PHACTR2: variants seen among roughly 807,000 people sequenced by gnomAD.
PHACTR2 encodes the protein phosphatase and actin regulator 2, also known as chromosome 6 open reading frame 56.
Under a neutral mutation model 76.0 loss-of-function variants are expected in PHACTR2, and 30 were observed. The ratio of observed to expected loss-of-function variants is 0.39; its 90% confidence interval spans 0.30 to 0.54. The LOEUF (loss-of-function observed/expected upper bound fraction) is 0.54, where lower values mean the gene tolerates loss of function less well. Among genes scored for constraint, PHACTR2 ranks in the 20% least tolerant of loss-of-function variants. The pLI is 0.61. For synonymous variants in PHACTR2, 292 were observed against 292.5 expected (o/e 1.00, Z 0.02); for missense variants, 696 against 781.1 (o/e 0.89, Z 1.30).
chr6:143,772,253 AAC>A lies in PHACTR2; in HGVS notation c.1233-3_1233-2del. ...ATCACTCCCATGCTTTTCTGCCTTT[AAC>A]AGTTTCACAACCAAAGAGGAGCTGG... On this transcript the variant is annotated splice_region_variant and splice_polypyrimidine_tract_variant and intron_variant, in intron 6 of 12. Coordinates refer to ENST00000440869, the MANE Select transcript of PHACTR2 (RefSeq NM_001100164.2). This position sits in a 1 kb window ranked among gnomAD's most constrained non-coding sequence, Gnocchi z 5.4. 6.2e-7 allele frequency: 1 copy of A among 1,610,260 alleles called. No individual in the cohort carries two copies. The highest frequency in any genetic ancestry group is 8.5e-7 in the Non-Finnish European group (1 of 1,176,554).
intron 1 of PHACTR2, among the ~76,000 whole-genome samples, chr6:143,685,547 C>A (rs1021145742): frequency 6.6e-6 from 1 of 151,852 alleles, no homozygotes; most frequent in Admixed American, 6.6e-5. Flanking sequence ...GACGTTCATC[C>A]GGGGTAACTA....
At chr6:143,677,412 A>G (rs968373673), upstream of PHACTR2, among the ~76,000 whole-genome samples, 4 of 152,284 alleles carry the variant, frequency 2.6e-5, no homozygotes. Context: ...TTTATTTCAC[A>G]GTAATTCTTT....
chr6:143,722,849 A>G lies in PHACTR2; in HGVS notation c.214+10666A>G, dbSNP rs1308389024. Among the ~76,000 whole-genome samples, 1 of 152,236 alleles carries G rather than the reference A, an allele frequency of 6.6e-6. No individual in the cohort carries two copies. The highest frequency in any genetic ancestry group is 2.4e-5 in the African/African-American group (1 of 41,462). ...TTAGCTCCCACATATGAGTGAGAAC[A>G]TGCAACATTTGTCTTTCTGTACCTG... On this transcript the variant is annotated intron_variant, in intron 2 of 12. Transcript: ENST00000440869. This position sits in a 1 kb window ranked among gnomAD's most constrained non-coding sequence, Gnocchi z 4.1.
intron 1 of PHACTR2, among the ~76,000 whole-genome samples, chr6:143,590,887 A>G (rs369749210): frequency 7.9e-5 from 12 of 152,198 alleles, no homozygotes; most frequent in African/African-American, 2.9e-4. Context: ...CCCTATCCCA[A>G]TGACAATCTT....
At chr6:143,786,444 A>G (rs750736308) in intron 10 of PHACTR2, among the ~76,000 whole-genome samples, 3 of 152,062 alleles carry the variant, frequency 2.0e-5, no homozygotes, top group African/African-American at 4.8e-5. Flanking sequence ...ACCTTTTCCT[A>G]TCTTCTTCTG....
intron 2 of PHACTR2, among the ~76,000 whole-genome samples, chr6:143,740,506 A>G (rs9496766): frequency 4.9e-5 from 1 of 20,216 alleles, no homozygotes; most frequent in African/African-American, 3.4e-4. Flanking sequence ...CATCCTTTTA[A>G]TTAAAAAAAA....
At chr6:143,667,053 T>A (rs1374386874) in intron 1 of PHACTR2, among the ~76,000 whole-genome samples, 1 of 151,644 alleles carries the variant, frequency 6.6e-6, no homozygotes, top group Non-Finnish European at 1.5e-5. Flanking sequence ...TTAATTTTTG[T>A]ATGAAGTGTA....
rs910087253 is a variant in PHACTR2 at position 143,599,676 on chromosome 6, T to C, written c.217+62469T>C. Among the ~76,000 whole-genome samples, 6 of 152,304 alleles carry C rather than the reference T, an allele frequency of 3.9e-5. No homozygotes were observed. Among genetic ancestry groups the C allele is most frequent in the Admixed American group, 2.6e-4 (4 of 15,306 alleles). On this transcript the variant is annotated intron_variant, in intron 1 of 11. Transcript: ENST00000367584. The surrounding 1 kb of genome is among the most constrained non-coding windows in gnomAD (Gnocchi z 4.6). Reference sequence around the variant, plus strand: ...AGGAAATTTTTTGAGTTGCAAAGGGTGCTTCCCTTGCTAGCCTATAAGAAC... The same window carrying C: ...AGGAAATTTTTTGAGTTGCAAAGGGCGCTTCCCTTGCTAGCCTATAAGAAC...
Position 143,583,134 on chromosome 6 carries a change from G to A in PHACTR2, c.217+45927G>A, listed in dbSNP as rs1254588465. Reference sequence around the variant, plus strand: ...TTGTCTTTGAATATAATGATGGGGCGACCATTCTTGCCATAATAGCCAGGA... The same window carrying A: ...TTGTCTTTGAATATAATGATGGGGCAACCATTCTTGCCATAATAGCCAGGA... On this transcript the variant is annotated intron_variant, in intron 1 of 11. Transcript: ENST00000367584. This position sits in a 1 kb window ranked among gnomAD's most constrained non-coding sequence, Gnocchi z 4.0. Among the ~76,000 whole-genome samples the A allele has an allele frequency of 2.0e-5, 3 of 152,092 alleles. No individual in the cohort carries two copies. The highest frequency in any genetic ancestry group is 3.8e-4 in the East Asian group (2 of 5,200).
At position 143,539,500 on chromosome 6, in the gene PHACTR2, G is replaced by A. The variant is rs1440120866; in HGVS notation, c.217+2293G>A. ...CTCTGCAGCCTCTGTAAGCCATGCAGGATGGATCTGAGAATCAGCAAGATG... is the reference window on the plus strand; with the variant it reads ...CTCTGCAGCCTCTGTAAGCCATGCAAGATGGATCTGAGAATCAGCAAGATG... On this transcript the variant is annotated intron_variant, in intron 1 of 11. Coordinates refer to the PHACTR2 transcript ENST00000367584. This position sits in a 1 kb window ranked among gnomAD's most constrained non-coding sequence, Gnocchi z 4.3. 6.6e-6 allele frequency among the ~76,000 whole-genome samples: 1 copy of A among 152,190 alleles called. No homozygotes were observed. Among genetic ancestry groups the A allele is most frequent in the African/African-American group, 2.4e-5 (1 of 41,442 alleles).
At position 143,822,713 on chromosome 6, in the gene PHACTR2, A is replaced by G. The variant is rs914129891; in HGVS notation, c.1923-961A>G. ...CTAGGCAGAGTTGCATAAATGTGGA[A>G]TTGCAGAAGTAGGCTGAAGAGCTTG... On this transcript the variant is annotated intron_variant, in intron 12 of 12. Coordinates refer to ENST00000440869, the MANE Select transcript of PHACTR2 (RefSeq NM_001100164.2). The surrounding 1 kb of genome is among the most constrained non-coding windows in gnomAD (Gnocchi z 5.5). 6.6e-6 allele frequency among the ~76,000 whole-genome samples: 1 copy of G among 152,244 alleles called. No individual in the cohort carries two copies. The highest frequency in any genetic ancestry group is 1.5e-5 in the Non-Finnish European group (1 of 68,050).
rs749315941 is a variant in PHACTR2 at position 143,641,948 on chromosome 6, A to G, written c.13+33626A>G. The stretch of plus-strand genomic sequence containing the variant: ...CTAAAGAATGCCTAGATATTTATGC[A>G]TCTAACTAGGTAATCGTGTTTGTCC... On this transcript the variant is annotated intron_variant, in intron 1 of 11. Coordinates refer to the PHACTR2 transcript ENST00000305766. The surrounding 1 kb of genome is among the most constrained non-coding windows in gnomAD (Gnocchi z 5.8). Among the ~76,000 whole-genome samples, 8 of 152,202 alleles carry G rather than the reference A, an allele frequency of 5.3e-5. No individual in the cohort carries two copies. Among genetic ancestry groups the G allele is most frequent in the Non-Finnish European group, 7.3e-5 (5 of 68,036 alleles).
rs1365294906 is a variant in PHACTR2, at chr6:143,760,045, T to C, written c.455-356T>C. On this transcript the variant is annotated intron_variant, in intron 4 of 12. Coordinates refer to ENST00000440869, the MANE Select transcript of PHACTR2 (RefSeq NM_001100164.2). The surrounding 1 kb of genome is among the most constrained non-coding windows in gnomAD (Gnocchi z 6.4). The stretch of plus-strand genomic sequence containing the variant: ...TTCAACTTTGTTAAATCATTGTTTG[T>C]TCAATTTAAATGTAGCACTTCATGC... Among the ~76,000 whole-genome samples, 2 of 152,156 alleles carry C rather than the reference T, an allele frequency of 1.3e-5. No homozygotes were observed. The highest frequency in any genetic ancestry group is 4.8e-5 in the African/African-American group (2 of 41,432).
Position 143,742,770 on chromosome 6 carries a change from G to A in PHACTR2, c.215-6215G>A, listed in dbSNP as rs1020175269. On this transcript the variant is annotated intron_variant, in intron 2 of 12. Transcript: ENST00000440869. The surrounding 1 kb of genome is among the most constrained non-coding windows in gnomAD (Gnocchi z 4.5). ...TAGGTCCCCAATATCTACTCTGTGC[G>A]ATATATTATTTTGGGCATTATGGGA... 1.3e-5 allele frequency among the ~76,000 whole-genome samples: 2 copies of A among 152,258 alleles called. No homozygotes were observed. Among genetic ancestry groups the A allele is most frequent in the South Asian group, 4.1e-4 (2 of 4,826 alleles).
chr6:143,649,351 A>C (rs71564444), intron 1 of PHACTR2, among the ~76,000 whole-genome samples: 6,460 of 152,336 alleles, frequency 0.042, 175 homozygotes, highest in Middle Eastern at 0.082. Context: ...TGAGGCCAGC[A>C]TCATCCTGAT....
At chr6:143,608,060 C>T (rs1775907287), upstream of PHACTR2, 1 of 553,148 alleles carries the variant, frequency 1.8e-6, no homozygotes, top group African/African-American at 1.9e-5. The surrounding 1 kb of genome is among the most constrained non-coding windows in gnomAD (Gnocchi z 4.6). Context: ...GAGGTGGAAA[C>T]CCCAGGGGAT....
At chr6:143,790,705 A>G (rs1364477555) in intron 11 of PHACTR2, among the ~76,000 whole-genome samples, 5 of 144,246 alleles carry the variant, frequency 3.5e-5, no homozygotes, top group African/African-American at 1.3e-4. Flanking sequence ...ACGGAGTCTC[A>G]CTCTGTCACC....
chr6:143,710,063 G>A lies in PHACTR2; in HGVS notation c.47-1953G>A, dbSNP rs1778140168. ...TCTTCTATGGTGCTCGGCTGTAGTA[G>A]AGCAGTTATTGTCTAAAAGTTTCTT... On this transcript the variant is annotated intron_variant, in intron 1 of 12. Transcript: ENST00000440869. This position sits in a 1 kb window ranked among gnomAD's most constrained non-coding sequence, Gnocchi z 4.9. Among the ~76,000 whole-genome samples the A allele has an allele frequency of 6.6e-6, 1 of 152,134 alleles. No homozygotes were observed. Among genetic ancestry groups the A allele is most frequent in the South Asian group, 2.1e-4 (1 of 4,830 alleles).
At chr6:143,544,463 CCCTATGCTAGGTTTAAGT>C (rs1781204506) in intron 1 of PHACTR2, among the ~76,000 whole-genome samples, 1 of 148,604 alleles carries the variant, frequency 6.7e-6, no homozygotes, top group African/African-American at 2.6e-5. Flanking sequence ...CCTGCCACCT[CCCTATGCTAGGTTTAAGT>C]CACCTCCCTA....
Sources: gnomAD v4.1 joint callset for allele counts (sites outside exome capture counted in the v4.1 genomes callset) on GRCh38, gnomAD v4.1.1 for gene constraint, Gnocchi (gnomAD v3.1) non-coding constraint, MANE v1.5 for transcripts, NCBI Gene and HGNC (gene_info 2026-07-23, HGNC 2026-07-21) for gene names.